The following ATP13A4 variants were observed in gnomAD, a reference collection of about 807,000 sequenced individuals.
The protein encoded by ATP13A4 is ATPase 13A4.
Under a neutral mutation model 142.5 loss-of-function variants are expected in ATP13A4, and 114 were observed. That is an observed-to-expected ratio of 0.80 (90% confidence interval 0.69 to 0.93). The LOEUF (loss-of-function observed/expected upper bound fraction) is 0.93, where lower values mean the gene tolerates loss of function less well. ATP13A4 is among the 40% of genes least tolerant of loss of function. ATP13A4 has a pLI of 0.00. For missense variants in ATP13A4, 1,392 were observed against 1,454.0 expected, an observed-to-expected ratio of 0.96 and a Z score of 0.69; for synonymous variants, 488 against 514.8, an observed-to-expected ratio of 0.95 and a Z score of 0.70.
chr3:193,546,676 G>GT (rs906321610), intron 1 of ATP13A4, among the ~76,000 whole-genome samples: 1 of 152,164 alleles, frequency 6.6e-6, no homozygotes, highest in Non-Finnish European at 1.5e-5. Flanking sequence ...ACACCCTAAT[G>GT]TTTTTTCTAC....
chr3:193,491,665 T>C (rs1405606204), intron 5 of ATP13A4, among the ~76,000 whole-genome samples: 8 of 152,186 alleles, frequency 5.3e-5, no homozygotes, highest in Admixed American at 2.6e-4. Flanking sequence ...TTTTGGGTAT[T>C]TAATATTAAA....
intron 3 of ATP13A4, 145 bp from the exon 4 acceptor site, chr3:193,493,305 C>G: frequency 1.4e-6 from 1 of 724,846 alleles, no homozygotes; most frequent in Non-Finnish European, 2.3e-6. Flanking sequence ...CTAATTTACC[C>G]TTTGCTTTTC....
chr3:193,453,520 T>TA lies in ATP13A4; in HGVS notation c.2027+580dup, dbSNP rs199614099. On this transcript the variant is annotated intron_variant, in intron 17 of 29. Coordinates refer to ENST00000342695, the MANE Select transcript of ATP13A4 (RefSeq NM_032279.4). ...ATAAATACTGCAGTTTTGGAGCTGT[T>TA]ACGCATCTCTATTTTAATCCTAAAA... 6.5e-3 allele frequency among the ~76,000 whole-genome samples: 993 copies of TA among 152,318 alleles called. 19 individuals carry two copies. Among genetic ancestry groups the TA allele is most frequent in the African/African-American group, 0.022 (920 of 41,578 alleles).
In ATP13A4 at chr3:193,578,928, G is replaced by T; in HGVS notation, n.291+2779C>A. On this transcript the variant is annotated intron_variant and non_coding_transcript_variant, in intron 2 of 3. Coordinates refer to the ATP13A4 transcript ENST00000489140. ...TTAATTATTTCCTCCTATCTCTTCTGACTGTAGGATGGCTCAGTGGAATCC... is the reference window on the plus strand; with the variant it reads ...TTAATTATTTCCTCCTATCTCTTCTTACTGTAGGATGGCTCAGTGGAATCC... 3 of 212,754 alleles carry T rather than the reference G, an allele frequency of 1.4e-5. No individual in the cohort carries two copies. In the South Asian group the frequency reaches 2.7e-4, roughly 19 times the overall value. 13.2% of individuals were successfully genotyped at this position (212,754 alleles called of 1,614,324 possible).
chr3:193,541,074 C>G (rs1191014867), intron 1 of ATP13A4, among the ~76,000 whole-genome samples: 1 of 151,732 alleles, frequency 6.6e-6, no homozygotes, highest in African/African-American at 2.4e-5. Context: ...ACGGTGAAAC[C>G]CCGTCTCTAC....
At chr3:193,440,765 G>A in intron 20 of ATP13A4, 128 bp from the exon 21 acceptor site, 1 of 967,812 alleles carries the variant, frequency 1.0e-6, no homozygotes, top group Admixed American at 2.2e-5. Context: ...TTTCCAATGA[G>A]CCTTCCTTTG....
intron 25 of ATP13A4, 98 bp from the exon 26 acceptor site, chr3:193,414,848 A>C: frequency 1.7e-6 from 2 of 1,178,002 alleles, no homozygotes; most frequent in East Asian, 5.1e-5. Flanking sequence ...ATTTGAGGAA[A>C]TGGACAAACT....
At chr3:193,470,011 G>A (rs1183344966) in intron 9 of ATP13A4, among the ~76,000 whole-genome samples, 2 of 152,180 alleles carry the variant, frequency 1.3e-5, no homozygotes, top group Non-Finnish European at 2.9e-5. Flanking sequence ...GGAAGAAGGT[G>A]TGTACACTTG....
At chr3:193,561,562 C>T (rs566765557) in intron 2 of ATP13A4, among the ~76,000 whole-genome samples, 4 of 152,234 alleles carry the variant, frequency 2.6e-5, no homozygotes, top group East Asian at 1.9e-4. Context: ...CTGTACATGT[C>T]GTTCAGTGTC....
intron 8 of ATP13A4, among the ~76,000 whole-genome samples, chr3:193,481,551 C>A (rs1719294142): frequency 6.6e-6 from 1 of 152,064 alleles, no homozygotes; most frequent in Admixed American, 6.5e-5. Context: ...GGATGTATTA[C>A]AAATTATTAT....
At chr3:193,551,232 T>C (rs1047502981) in intron 1 of ATP13A4, among the ~76,000 whole-genome samples, 1 of 152,046 alleles carries the variant, frequency 6.6e-6, no homozygotes, top group African/African-American at 2.4e-5. Context: ...GCCAACACGG[T>C]GAAACACCAT....
chr3:193,448,020 C>A (rs1717054002), intron 18 of ATP13A4, among the ~76,000 whole-genome samples, 186 bp downstream of exon 18: 1 of 152,162 alleles, frequency 6.6e-6, no homozygotes, highest in African/African-American at 2.4e-5. Flanking sequence ...ATTGGTTGAT[C>A]TTCTCTCATT....
At chr3:193,417,888 C>G (rs6783905) in intron 25 of ATP13A4, among the ~76,000 whole-genome samples, 2 of 143,146 alleles carry the variant, frequency 1.4e-5, no homozygotes, top group African/African-American at 2.6e-5. Context: ...TTTGGGAGGC[C>G]AAGGCGGGCG....
chr3:193,413,034 C>T (rs1714852788), intron 26 of ATP13A4, among the ~76,000 whole-genome samples: 2 of 152,158 alleles, frequency 1.3e-5, no homozygotes, highest in African/African-American at 4.8e-5. Flanking sequence ...ATAACAGCAA[C>T]AACGACAACT....
chr3:193,528,363 G>C lies in ATP13A4; in HGVS notation c.61-13492C>G, dbSNP rs143738062. Among the ~76,000 whole-genome samples, 808 of 152,246 alleles carry C rather than the reference G, an allele frequency of 5.3e-3. 2 individuals are homozygous for C. Among genetic ancestry groups the C allele is most frequent in the Admixed American group, 8.2e-3 (125 of 15,292 alleles). ...AGATTCAAGCACAGCCTTGTGGAAG[G>C]TTTCTTGAAATTCTTAAGATGGCAC... On this transcript the variant is annotated intron_variant, in intron 1 of 29. Coordinates refer to ENST00000342695, the MANE Select transcript of ATP13A4 (RefSeq NM_032279.4).
chr3:193,512,641 C>A (rs1311825587), intron 2 of ATP13A4, among the ~76,000 whole-genome samples: 1 of 152,152 alleles, frequency 6.6e-6, no homozygotes, highest in Non-Finnish European at 1.5e-5. Flanking sequence ...GAACTAGAAT[C>A]TCTGGGACTG....
At chr3:193,470,826 C>A in intron 9 of ATP13A4, 33 bp downstream of exon 9, 1 of 1,613,604 alleles carries the variant, frequency 6.2e-7, no homozygotes, top group Non-Finnish European at 8.5e-7. Context: ...GGCCAGCCCA[C>A]AGAGGTTGTC....
At chr3:193,403,722 C>G (rs1289729958) in intron 29 of ATP13A4, 18 of 970,844 alleles carry the variant, frequency 1.9e-5, no homozygotes, top group Non-Finnish European at 2.2e-5. Context: ...ACTTATAATT[C>G]ATGAGAGGTT....
At chr3:193,498,284 A>C (rs1720355832) in intron 3 of ATP13A4, among the ~76,000 whole-genome samples, 1 of 152,152 alleles carries the variant, frequency 6.6e-6, no homozygotes. Context: ...AGATACTAAA[A>C]TACTGAAAAA....
Sources: gnomAD v4.1 joint callset for allele counts (sites outside exome capture counted in the v4.1 genomes callset) on GRCh38, gnomAD v4.1.1 for gene constraint, MANE v1.5 for transcripts, NCBI Gene and HGNC (gene_info 2026-07-23, HGNC 2026-07-21) for gene names.